The following VPS33B variants were observed in gnomAD, a reference collection of about 807,000 sequenced individuals.
VPS33B encodes VPS33B late endosome and lysosome associated.
In VPS33B, 80 loss-of-function variants were observed where a neutral mutation model predicts 95.3. That is an observed-to-expected ratio of 0.84 (90% confidence interval 0.70 to 1.01). The LOEUF is 1.01. Ranked by LOEUF, VPS33B falls within the 50% of genes least tolerant of loss-of-function variation. The probability of loss-of-function intolerance (pLI) is 0.00; values close to 1 mark genes in which losing one functional copy is unlikely to be tolerated. For missense variants in VPS33B, 715 were observed against 773.4 expected, an observed-to-expected ratio of 0.92 and a Z score of 0.90; for synonymous variants, 280 against 280.4, an observed-to-expected ratio of 1.00 and a Z score of 0.01.
At chr15:91,003,503 G>A (rs958787868) in intron 16 of VPS33B, among the ~76,000 whole-genome samples, 18 of 152,152 alleles carry the variant, frequency 1.2e-4, no homozygotes, top group Non-Finnish European at 2.4e-4. Context: ...GCAGTGGTGC[G>A]ATCTTGGCTC....
Position 91,002,223 on chromosome 15 carries a change from G to T in VPS33B, c.1273-41C>A. ...TTAGACTATTTACTGAGTGTCCAAA[G>T]AGCATCTAGTACTGTCAGGTACTAC... On this transcript the variant is annotated intron_variant, in intron 17 of 22. Transcript: ENST00000333371. The surrounding 1 kb of genome is among the most constrained non-coding windows in gnomAD (Gnocchi z 4.7). The T allele has an allele frequency of 6.2e-7, 1 of 1,612,394 alleles. No homozygotes were observed. Among genetic ancestry groups the T allele is most frequent in the Non-Finnish European group, 8.5e-7 (1 of 1,179,258 alleles).
At position 91,018,683 on chromosome 15, in the gene VPS33B, T is replaced by C. The variant is rs375579100; in HGVS notation, c.97-798A>G. 1.6e-4 allele frequency among the ~76,000 whole-genome samples: 25 copies of C among 152,250 alleles called. No homozygotes were observed. Among genetic ancestry groups the C allele is most frequent in the African/African-American group, 5.8e-4 (24 of 41,566 alleles). On this transcript the variant is annotated intron_variant, in intron 1 of 22. Transcript: ENST00000333371. The surrounding 1 kb of genome is among the most constrained non-coding windows in gnomAD (Gnocchi z 4.7). Reference sequence around the variant, plus strand: ...AGGGGTTTTACTGGCATCTTGTGGGTAGAGGCCAGGGGTGCTGCTAGACAT... The same window carrying C: ...AGGGGTTTTACTGGCATCTTGTGGGCAGAGGCCAGGGGTGCTGCTAGACAT...
At position 91,002,149 on chromosome 15, in the gene VPS33B, TG is replaced by T. The variant is rs1447248615; in HGVS notation, c.1305del (p.Asn436IlefsTer8). The T allele has an allele frequency of 1.1e-5, 17 of 1,614,022 alleles. No individual in the cohort carries two copies. Among genetic ancestry groups the T allele is most frequent in the Non-Finnish European group, 1.3e-5 (15 of 1,180,024 alleles). On this transcript the variant is annotated frameshift_variant, in exon 18 of 23. Transcript: ENST00000333371. LOFTEE classifies it high-confidence loss of function. This position sits in a 1 kb window ranked among gnomAD's most constrained non-coding sequence, Gnocchi z 4.7. Reference sequence around the variant, plus strand: ...GTTAGGAGCCCAGCTCTTCGCAGATTGGAGAAGGTTAGCAGGTGCTCAGGGC... The same window carrying T: ...GTTAGGAGCCCAGCTCTTCGCAGATTGAGAAGGTTAGCAGGTGCTCAGGGC... Reference protein sequence around the residue: ...SYGPEHLLTFSNLRRAGLLTE... With the variant: ...SYGPEHLLTFXNLRRAGLLTE...
In VPS33B at chr15:91,022,504, T is replaced by G; in HGVS notation, c.-255A>C. On this transcript the variant is annotated 5_prime_UTR_variant, in exon 1 of 23. Coordinates refer to ENST00000333371, the MANE Select transcript of VPS33B (RefSeq NM_018668.5). Reference sequence around the variant, plus strand: ...TCGACCCTCCCTCCCTGATCCACTCTGCCCGTCAGCAGGATTCCGGTCTAC... The same window carrying G: ...TCGACCCTCCCTCCCTGATCCACTCGGCCCGTCAGCAGGATTCCGGTCTAC... 8.2e-6 allele frequency: 3 copies of G among 365,188 alleles called. No individual in the cohort carries two copies. Among genetic ancestry groups the G allele is most frequent in the African/African-American group, 2.1e-5 (1 of 48,392 alleles). 22.6% of individuals were successfully genotyped at this position (365,188 alleles called of 1,614,324 possible).
chr15:91,022,331 G>A lies in VPS33B; in HGVS notation c.-82C>T. On this transcript the variant is annotated 5_prime_UTR_variant, in exon 1 of 23. Transcript: ENST00000333371. ...GCCGCAGCCCAGGGAAGCGCAAGGGGGGCTATCCTTCAGGCCTGGGCACCG... is the reference window on the plus strand; with the variant it reads ...GCCGCAGCCCAGGGAAGCGCAAGGGAGGCTATCCTTCAGGCCTGGGCACCG... 2 of 1,413,818 alleles carry A rather than the reference G, an allele frequency of 1.4e-6. No homozygotes were observed. Among genetic ancestry groups the A allele is most frequent in the Non-Finnish European group, 1.9e-6 (2 of 1,050,794 alleles). The allele number at this position is 1,413,818 out of a possible 1,614,324, so 87.6% of individuals were successfully genotyped here. A position where few individuals can be genotyped will look rare whatever the true frequency, so the allele number is the denominator to read the frequency against.
intron 16 of VPS33B, 115 bp downstream of exon 16, chr15:91,004,762 C>T (rs1379381214): frequency 2.4e-6 from 3 of 1,240,020 alleles, no homozygotes; most frequent in Non-Finnish European, 2.3e-6. Flanking sequence ...CATTAAATTA[C>T]AGGGAAACAT....
At chr15:91,020,858 G>A (rs2041082266) in intron 1 of VPS33B, among the ~76,000 whole-genome samples, 1 of 152,148 alleles carries the variant, frequency 6.6e-6, no homozygotes, top group East Asian at 1.9e-4. Context: ...TCCAGCCTGG[G>A]CAACGGAGTG....
intron 2 of VPS33B, 146 bp downstream of exon 2, chr15:91,017,659 C>T (rs754234472): frequency 2.6e-6 from 2 of 763,598 alleles, no homozygotes; most frequent in South Asian, 1.6e-5. Flanking sequence ...CAAAAAAATA[C>T]GAACAGCATC....
At chr15:91,017,367 A>AAAAT (rs2040962088) in intron 2 of VPS33B, among the ~76,000 whole-genome samples, 2 of 15,848 alleles carry the variant, frequency 1.3e-4, no homozygotes, top group African/African-American at 4.2e-4. Flanking sequence ...TACAAAATTA[A>AAAAT]ATATATATAT....
rs1249600879 is a variant in VPS33B at position 91,011,950 on chromosome 15, C to T, written c.357+1854G>A. Among the ~76,000 whole-genome samples the T allele has an allele frequency of 1.3e-5, 2 of 151,950 alleles. No homozygotes were observed. Among genetic ancestry groups the T allele is most frequent in the East Asian group, 3.9e-4 (2 of 5,192 alleles). On this transcript the variant is annotated intron_variant, in intron 5 of 22. Transcript: ENST00000333371. This position sits in a 1 kb window ranked among gnomAD's most constrained non-coding sequence, Gnocchi z 5.5. ...GTTGCAGTGAGTCGAGATTGCGGCA[C>T]TGCACTCCAGTCTGGGTGACAGAGC... is the stretch of plus-strand genomic sequence containing the variant.
chr15:91,014,133 C>T (rs1423386994), intron 4 of VPS33B, among the ~76,000 whole-genome samples: 1 of 150,462 alleles, frequency 6.6e-6, no homozygotes, highest in African/African-American at 2.5e-5. Flanking sequence ...GCAAGAGAAT[C>T]GCTTGAACCC....
rs553950274 is a variant in VPS33B at position 91,005,573 on chromosome 15, A to G, written c.1031-119T>C. The stretch of plus-strand genomic sequence containing the variant: ...CCGAAAGCACTTCTTCCCACTTTAC[A>G]CCAAGTAAGACCATATGCATCAGAT... On this transcript the variant is annotated intron_variant, in intron 13 of 22. Coordinates refer to ENST00000333371, the MANE Select transcript of VPS33B (RefSeq NM_018668.5). This position sits in a 1 kb window ranked among gnomAD's most constrained non-coding sequence, Gnocchi z 6.4. The G allele has an allele frequency of 6.4e-7, 1 of 1,573,462 alleles. No homozygotes were observed. Among genetic ancestry groups the G allele is most frequent in the African/African-American group, 1.3e-5 (1 of 74,190 alleles).
Position 91,018,226 on chromosome 15 carries a change from T to C in VPS33B, c.97-341A>G, listed in dbSNP as rs1354362702. Among the ~76,000 whole-genome samples the C allele has an allele frequency of 1.3e-5, 2 of 152,156 alleles. No homozygotes were observed. Among genetic ancestry groups the C allele is most frequent in the Non-Finnish European group, 2.9e-5 (2 of 68,020 alleles). Reference sequence around the variant, plus strand: ...CTCCACTCTGGCTCCTAACCACCCCTGGTCTCCTGCTGAACAAAGCCAAAC... The same window carrying C: ...CTCCACTCTGGCTCCTAACCACCCCCGGTCTCCTGCTGAACAAAGCCAAAC... On this transcript the variant is annotated intron_variant, in intron 1 of 22. Transcript: ENST00000333371. The surrounding 1 kb of genome is among the most constrained non-coding windows in gnomAD (Gnocchi z 4.7).
rs2040620817 is a variant in VPS33B, at chr15:91,006,814, A to T, written c.701-85T>A. The T allele has an allele frequency of 6.3e-7, 1 of 1,594,914 alleles. No homozygotes were observed. The highest frequency in any genetic ancestry group is 8.6e-7 in the Non-Finnish European group (1 of 1,162,896). ...TCCAAGGGCAGCTTTGATACTTTCC[A>T]TAGGGCCAAGGACCCACGCTCCTCA... On this transcript the variant is annotated intron_variant, in intron 9 of 22. Coordinates refer to ENST00000333371, the MANE Select transcript of VPS33B (RefSeq NM_018668.5). This position sits in a 1 kb window ranked among gnomAD's most constrained non-coding sequence, Gnocchi z 5.4.
chr15:91,005,091 C>G lies in VPS33B; in HGVS notation c.1134G>C (p.Glu378Asp), dbSNP rs1265728364. Residue 378 changes from glutamate (E) to aspartate (D), a missense_variant, in exon 15 of 23, where the codon GAG (glutamate) becomes GAC (aspartate). Glu to Asp is a conservative substitution (Grantham distance 45). Coordinates refer to ENST00000333371, the MANE Select transcript of VPS33B (RefSeq NM_018668.5). This position sits in a 1 kb window ranked among gnomAD's most constrained non-coding sequence, Gnocchi z 6.4. Reference protein sequence around the residue: ...HALLEGFNIRESTSYIEEHID... With the variant: ...HALLEGFNIRDSTSYIEEHID... ...TGTGTTCCTCAATGTAGCTGGTGCT[C>G]TCCCGGATGTTGAACCCCTCTAGCA... 6.2e-7 allele frequency: 1 copy of G among 1,614,098 alleles called. No individual in the cohort carries two copies. Among genetic ancestry groups the G allele is most frequent in the Admixed American group, 1.7e-5 (1 of 60,004 alleles).
At position 91,011,530 on chromosome 15, in the gene VPS33B, CAAAG is replaced by C. The variant is rs1364974931; in HGVS notation, c.358-1688_358-1685del. On this transcript the variant is annotated intron_variant, in intron 5 of 22. Transcript: ENST00000333371. This position sits in a 1 kb window ranked among gnomAD's most constrained non-coding sequence, Gnocchi z 5.5. ...ATCTTCATAATTAACAAAGGAGTCT[CAAAG>C]AAGAGAGAGAGATGCCTCCTAATAT... Among the ~76,000 whole-genome samples, 2 of 152,116 alleles carry C rather than the reference CAAAG, an allele frequency of 1.3e-5. No homozygotes were observed. The highest frequency in any genetic ancestry group is 2.1e-4 in the South Asian group (1 of 4,822).
In VPS33B at chr15:91,003,115, A is replaced by G; in HGVS notation, c.1242T>C (p.Asp414=). The change falls in exon 17 of 23, where the codon GAT becomes GAC. Residue 414 remains aspartate (D), a synonymous_variant. Coordinates refer to ENST00000333371, the MANE Select transcript of VPS33B (RefSeq NM_018668.5). ...GATACTGTGTTTTCAGAGATCGGTA[A>G]TCCTTGGGGATCAAACCTAAGAGTG... The part of the protein sequence containing the change: ...SITENGLIPK[D]YRSLKTQYLQ... 1 of 1,614,190 alleles carries G rather than the reference A, an allele frequency of 6.2e-7. No homozygotes were observed. Among genetic ancestry groups the G allele is most frequent in the Non-Finnish European group, 8.5e-7 (1 of 1,180,028 alleles).
chr15:90,998,567 G>C, downstream of VPS33B: 1 of 333,442 alleles, frequency 3.0e-6, no homozygotes, highest in South Asian at 2.5e-5. This position sits in a 1 kb window ranked among gnomAD's most constrained non-coding sequence, Gnocchi z 4.8. Context: ...ACCAGGCCTG[G>C]AGCCACTACA....
chr15:91,006,540 C>T lies in VPS33B; in HGVS notation c.779-95G>A, dbSNP rs1207669294. 2 of 1,608,522 alleles carry T rather than the reference C, an allele frequency of 1.2e-6. No homozygotes were observed. The highest frequency in any genetic ancestry group is 2.7e-5 in the African/African-American group (2 of 74,794). On this transcript the variant is annotated intron_variant, in intron 10 of 22. Coordinates refer to ENST00000333371, the MANE Select transcript of VPS33B (RefSeq NM_018668.5). This position sits in a 1 kb window ranked among gnomAD's most constrained non-coding sequence, Gnocchi z 5.4. ...TAAAGGTCCTCAAACTATTTGGAAG[C>T]CAGCAGTTCATTCAGGGTCTGGGTC...
Sources: gnomAD v4.1 joint callset for allele counts (sites outside exome capture counted in the v4.1 genomes callset) on GRCh38, gnomAD v4.1.1 for gene constraint, Gnocchi (gnomAD v3.1) non-coding constraint, MANE v1.5 for transcripts, NCBI Gene and HGNC (gene_info 2026-07-23, HGNC 2026-07-21) for gene names.